PLS1: variants seen among roughly 807,000 people sequenced by gnomAD.
The protein encoded by PLS1 is plastin 1.
In PLS1, 32 loss-of-function variants were observed where a neutral mutation model predicts 73.7. That is an observed-to-expected ratio of 0.43 (90% CI 0.33 to 0.58). PLS1 has a LOEUF of 0.58. Among genes scored for constraint, PLS1 ranks in the 20% least tolerant of loss-of-function variants. The pLI, the probability that PLS1 is intolerant of heterozygous loss-of-function variation, is 0.04. For missense variants in PLS1, 633 were observed against 740.5 expected (o/e 0.85, Z 1.68); for synonymous variants, 217 against 261.3 (o/e 0.83, Z 1.63).
intron 1 of PLS1, among the ~76,000 whole-genome samples, chr3:142,630,420 C>CA (rs71153980): frequency 3.6e-4 from 40 of 110,320 alleles, no homozygotes; most frequent in South Asian, 6.9e-4. Flanking sequence ...GACCCTGCCT[C>CA]AAAAAAAAAA....
chr3:142,667,513 A>T (rs1282870084), intron 2 of PLS1, among the ~76,000 whole-genome samples: 4 of 152,324 alleles, frequency 2.6e-5, no homozygotes, highest in Non-Finnish European at 5.9e-5. Context: ...AAAGAAAAAA[A>T]CAATTTCATG....
At chr3:142,603,307 G>A (rs1291618169) in intron 1 of PLS1, among the ~76,000 whole-genome samples, 2 of 152,170 alleles carry the variant, frequency 1.3e-5, no homozygotes, top group Non-Finnish European at 2.9e-5. Flanking sequence ...CACAGAAAGG[G>A]TGAGGAGTTA....
In PLS1 at chr3:142,684,293, G is replaced by A. The variant is rs752194746; in HGVS notation, c.786G>A (p.Glu262=). The A allele has an allele frequency of 6.2e-7, 1 of 1,614,146 alleles. No homozygotes were observed. Among genetic ancestry groups the A allele is most frequent in the East Asian group, 2.2e-5 (1 of 44,876 alleles). The change falls in exon 8 of 16, where the codon GAG becomes GAA. Residue 262 remains glutamate (E), a synonymous_variant. Transcript: ENST00000457734. ...TAAATGAAGGTGAGGAACTAGAGGAGCTGATGAAGCTTTCTCCCGAGGAAT... is the reference window on the plus strand; with the variant it reads ...TAAATGAAGGTGAGGAACTAGAGGAACTGATGAAGCTTTCTCCCGAGGAAT... ...ALLNEGEELE[E]LMKLSPEELL...
At chr3:142,648,355 G>A (rs1047888442) in intron 1 of PLS1, among the ~76,000 whole-genome samples, 1 of 152,134 alleles carries the variant, frequency 6.6e-6, no homozygotes, top group African/African-American at 2.4e-5. Context: ...ATTGTTGAAA[G>A]GTTTGGAGTC....
At chr3:142,616,813 G>A (rs1479498756) in intron 1 of PLS1, among the ~76,000 whole-genome samples, 2 of 152,220 alleles carry the variant, frequency 1.3e-5, no homozygotes, top group East Asian at 3.9e-4. Context: ...TGTTGGCCAG[G>A]CTGTTCTTGA....
chr3:142,604,585 C>T (rs2035985785), intron 1 of PLS1, among the ~76,000 whole-genome samples: 1 of 152,170 alleles, frequency 6.6e-6, no homozygotes, highest in Non-Finnish European at 1.5e-5. Flanking sequence ...TTTGGAAAAA[C>T]AACAATAATA....
intron 6 of PLS1, among the ~76,000 whole-genome samples, chr3:142,679,431 A>G (rs1306601143): frequency 3.3e-5 from 5 of 151,708 alleles, no homozygotes; most frequent in Non-Finnish European, 7.4e-5. Context: ...TCTTTAATCC[A>G]TCTTGAATTA....
rs1490350523 is a variant in PLS1 at position 142,703,936 on chromosome 3, T to G, written c.1440T>G (p.Ala480=). The G allele has an allele frequency of 2.5e-6, 4 of 1,613,646 alleles. No individual in the cohort carries two copies. Among genetic ancestry groups the G allele is most frequent in the Non-Finnish European group, 3.4e-6 (4 of 1,179,564 alleles). The change falls in exon 13 of 16, where the codon GCT becomes GCG. Residue 480 remains alanine, a synonymous_variant. Transcript: ENST00000457734. ...CCAAATTCTCCTTGGTTGGCATTGC[T>G]GGGCAGGACCTAAATGAAGGGAATT... ...NKAKFSLVGI[A]GQDLNEGNST...
intron 1 of PLS1, among the ~76,000 whole-genome samples, chr3:142,600,899 TATATATA>T (rs2035905863): frequency 3.2e-5 from 1 of 31,052 alleles, no homozygotes; most frequent in African/African-American, 1.9e-4. Flanking sequence ...TATATATATA[TATATATA>T]TATATATATA....
chr3:142,671,069 C>A lies in PLS1; in HGVS notation c.311C>A (p.Ala104Asp). Residue 104 changes from alanine to aspartate, a missense_variant, in exon 4 of 16, where the codon GCT becomes GAT. Ala to Asp is a moderately radical substitution (Grantham distance 126). Transcript: ENST00000457734. ...KIINKREGIT[A>D]IGGTSTISSE... ...ATTAACAAGAGGGAAGGGATTACTG[C>A]TATTGGAGGAACTTCAACTATTTCC... 6.2e-7 allele frequency: 1 copy of A among 1,607,520 alleles called. No individual in the cohort carries two copies. Among genetic ancestry groups the A allele is most frequent in the Non-Finnish European group, 8.5e-7 (1 of 1,174,484 alleles).
At chr3:142,703,767 G>T (rs1000295566) in intron 12 of PLS1, 101 bp from the exon 13 acceptor site, 1 of 656,356 alleles carries the variant, frequency 1.5e-6, no homozygotes, top group South Asian at 2.1e-5. Flanking sequence ...TAAATTTAAG[G>T]TGTCATCATA....
At chr3:142,664,351 A>T (rs2037432689) in intron 2 of PLS1, 44 bp downstream of exon 2, 1 of 985,234 alleles carries the variant, frequency 1.0e-6, no homozygotes, top group African/African-American at 1.6e-5. Context: ...GGTCTGCTTG[A>T]TGTCAGACTT....
At chr3:142,599,958 A>G (rs987346701) in intron 1 of PLS1, among the ~76,000 whole-genome samples, 27 of 151,762 alleles carry the variant, frequency 1.8e-4, no homozygotes, top group African/African-American at 6.1e-4. Context: ...ATGGGGTCTC[A>G]CTATTTTTCC....
Position 142,671,013 on chromosome 3 carries a change from C to G in PLS1, c.255C>G (p.Ser85Arg). 1 of 1,597,326 alleles carries G rather than the reference C, an allele frequency of 6.3e-7. No individual in the cohort carries two copies. ...EFVSLMQELKSKDISKTFRKI... is the reference protein window; with the variant it reads ...EFVSLMQELKRKDISKTFRKI... The stretch of plus-strand genomic sequence containing the variant: ...TCCAGCTAATGCAAGAATTAAAAAG[C>G]AAAGATATCAGCAAAACATTCCGAA... The change falls in exon 4 of 16, where the codon AGC becomes AGG. Residue 85 changes from serine to arginine, a missense_variant. Physicochemically the swap from Ser to Arg is moderately radical, Grantham distance 110 (BLOSUM62 -1). Transcript: ENST00000457734.
intron 1 of PLS1, among the ~76,000 whole-genome samples, chr3:142,654,129 G>A (rs1023278076): frequency 1.7e-4 from 26 of 152,162 alleles, no homozygotes; most frequent in African/African-American, 4.6e-4. Flanking sequence ...TATAATGACC[G>A]TGGCTGGTCA....
intron 1 of PLS1, among the ~76,000 whole-genome samples, chr3:142,628,652 T>C (rs949662007): frequency 6.6e-6 from 1 of 152,194 alleles, no homozygotes; most frequent in Non-Finnish European, 1.5e-5. Flanking sequence ...ATCATGGTGG[T>C]CTTCCTTAGT....
In PLS1 at chr3:142,650,605, G is replaced by A. The variant is rs1577838236; in HGVS notation, c.-36-13597G>A. Among the ~76,000 whole-genome samples the A allele has an allele frequency of 2.6e-5, 4 of 152,182 alleles. 1 individual carries two copies. In the South Asian group the frequency reaches 8.3e-4, roughly 32 times the overall value. On this transcript the variant is annotated intron_variant, in intron 1 of 15. Coordinates refer to ENST00000457734, the MANE Select transcript of PLS1 (RefSeq NM_001145319.2). ...AATCACTGTGGCTGGGGAATATGAT[G>A]TGCTGCGTGGCTTGGACCTGGAACC...
In PLS1 at chr3:142,712,004, A is replaced by G; in HGVS notation, c.1887A>G (p.Lys629=). The change falls in exon 16 of 16, where the codon AAA becomes AAG. Residue 629 remains lysine (K), a synonymous_variant. Coordinates refer to ENST00000457734, the MANE Select transcript of PLS1 (RefSeq NM_001145319.2). ...CLMGKGLNRI[K] ...TGGGAAAAGGACTGAACAGAATAAA[A>G]TAATCATTTCATATGATTTTCTGCC... 1 of 1,612,906 alleles carries G rather than the reference A, an allele frequency of 6.2e-7. No homozygotes were observed. Among genetic ancestry groups the G allele is most frequent in the Non-Finnish European group, 8.5e-7 (1 of 1,179,060 alleles).
chr3:142,665,279 TAAAAAAAAAAAGCACTCCA>T (rs1228697812), intron 2 of PLS1, among the ~76,000 whole-genome samples: 1 of 68,682 alleles, frequency 1.5e-5, no homozygotes, highest in Non-Finnish European at 3.2e-5. Context: ...ACGATATGTT[TAAAAAAAAAAAGCACTCCA>T]AAAAAAAAAA....
Sources: allele counts gnomAD v4.1 joint callset (sites outside exome capture counted in the v4.1 genomes callset), GRCh38; gene constraint gnomAD v4.1.1; transcripts MANE v1.5; gene names NCBI Gene and HGNC (gene_info 2026-07-23, HGNC 2026-07-21).